GIGYF2: variants seen among roughly 807,000 people sequenced by gnomAD.
GIGYF2 encodes the protein GRB10-interacting GYF protein 2.
Under a neutral mutation model 208.1 loss-of-function variants are expected in GIGYF2, and 25 were observed. The observed-to-expected ratio is 0.12, with a 90% CI of 0.09 to 0.17. The LOEUF is 0.17. GIGYF2 is among the 10% of genes least tolerant of loss of function. The probability of loss-of-function intolerance (pLI) is 1.00; values close to 1 mark genes in which losing one functional copy is unlikely to be tolerated. For synonymous variants in GIGYF2, 534 were observed against 543.8 expected, an observed-to-expected ratio of 0.98 and a Z score of 0.25; for missense variants, 1,302 against 1,579.4, an observed-to-expected ratio of 0.82 and a Z score of 2.98.
At chr2:232,832,083 A>G (rs1039006168) in intron 21 of GIGYF2, among the ~76,000 whole-genome samples, 1 of 152,218 alleles carries the variant, frequency 6.6e-6, no homozygotes, top group Non-Finnish European at 1.5e-5. Flanking sequence ...AGGACAGGGT[A>G]TAGTTGACCT....
intron 17 of GIGYF2, among the ~76,000 whole-genome samples, chr2:232,812,176 G>GTAT (rs1187520871): frequency 6.6e-6 from 1 of 152,120 alleles, no homozygotes; most frequent in East Asian, 1.9e-4. Flanking sequence ...AAGTCAATAT[G>GTAT]TATTACCATA....
chr2:232,808,114 G>T (rs1257910015), intron 15 of GIGYF2, among the ~76,000 whole-genome samples: 1 of 152,172 alleles, frequency 6.6e-6, no homozygotes, highest in African/African-American at 2.4e-5. Flanking sequence ...AATGTGTTGA[G>T]ACCTATAGTT....
At chr2:232,822,154 A>G (rs911432358) in intron 21 of GIGYF2, among the ~76,000 whole-genome samples, 5 of 152,130 alleles carry the variant, frequency 3.3e-5, no homozygotes, top group South Asian at 2.1e-4. Context: ...TAATTTCTAT[A>G]TAAGTAAAAG....
chr2:232,789,337 T>C (rs973801264), intron 9 of GIGYF2, among the ~76,000 whole-genome samples: 4 of 152,160 alleles, frequency 2.6e-5, no homozygotes, highest in Non-Finnish European at 4.4e-5. Flanking sequence ...AGGAGAAACA[T>C]GAGCCAGGTA....
chr2:232,720,833 G>T (rs1198555808), intron 2 of GIGYF2, among the ~76,000 whole-genome samples: 1 of 151,952 alleles, frequency 6.6e-6, no homozygotes, highest in African/African-American at 2.4e-5. Flanking sequence ...GGCCTCAATC[G>T]ATCTGCCCAC....
At chr2:232,784,931 T>C (rs1699863671) in intron 8 of GIGYF2, among the ~76,000 whole-genome samples, 1 of 151,998 alleles carries the variant, frequency 6.6e-6, no homozygotes, top group Non-Finnish European at 1.5e-5. Flanking sequence ...ATCTCTGTCA[T>C]CTTTCTTGCT....
chr2:232,735,430 A>AT, intron 3 of GIGYF2, 192 bp downstream of exon 3: 3 of 489,606 alleles, frequency 6.1e-6, no homozygotes, highest in Admixed American at 3.8e-5. Flanking sequence ...CTTAATTAAA[A>AT]TTTTTTTTCT....
chr2:232,697,937 C>T (rs1695676626), intron 1 of GIGYF2, among the ~76,000 whole-genome samples: 1 of 152,202 alleles, frequency 6.6e-6, no homozygotes, highest in Non-Finnish European at 1.5e-5. Flanking sequence ...GAGACTCCTT[C>T]CGTGGCGAGA....
chr2:232,757,146 TA>T (rs1698581147), intron 6 of GIGYF2, among the ~76,000 whole-genome samples: 4 of 152,200 alleles, frequency 2.6e-5, no homozygotes, highest in African/African-American at 9.7e-5. Context: ...ATAGAGTATT[TA>T]AATTCTTTAT....
chr2:232,725,592 TC>T (rs1697160878), intron 2 of GIGYF2, among the ~76,000 whole-genome samples: 1 of 152,220 alleles, frequency 6.6e-6, no homozygotes, highest in Admixed American at 6.5e-5. Flanking sequence ...CATAGTTAGC[TC>T]TCAATAAATG....
At chr2:232,787,119 A>T (rs984232022) in intron 8 of GIGYF2, 31 bp from the exon 9 acceptor site, 2 of 1,538,340 alleles carry the variant, frequency 1.3e-6, no homozygotes, top group Non-Finnish European at 1.8e-6. Flanking sequence ...GCAGAGGCTC[A>T]TGTTTACTTA....
At chr2:232,818,215 T>A (rs571866014) in intron 20 of GIGYF2, among the ~76,000 whole-genome samples, 1 of 152,342 alleles carries the variant, frequency 6.6e-6, no homozygotes, top group Non-Finnish European at 1.5e-5. Context: ...CTAAGACTTC[T>A]GCCTTCTCTT....
chr2:232,832,941 G>A lies in GIGYF2; in HGVS notation c.2614G>A (p.Ala872Thr). The A allele has an allele frequency of 6.4e-7, 1 of 1,569,142 alleles. No homozygotes were observed. Among genetic ancestry groups the A allele is most frequent in the Non-Finnish European group, 8.6e-7 (1 of 1,156,964 alleles). The change falls in exon 22 of 29, where the codon GCA becomes ACA. Residue 872 changes from alanine to threonine, a missense_variant. By Grantham distance (58) the Ala-to-Thr change is moderately conservative. Transcript: ENST00000373563. ...EENRLRMEEE[A>T]ARLRHEEEER... ...GAACCGGCTGCGGATGGAAGAGGAG[G>A]CAGCCAGACTCCGGCATGAGGAAGA... is the stretch of plus-strand genomic sequence containing the variant.
chr2:232,839,051 T>G (rs1701736649), intron 22 of GIGYF2, among the ~76,000 whole-genome samples: 1 of 152,222 alleles, frequency 6.6e-6, no homozygotes, highest in African/African-American at 2.4e-5. Context: ...TTTTATTTGT[T>G]TTGATCTATG....
chr2:232,735,666 G>C (rs572959449), intron 3 of GIGYF2: 1 of 991,260 alleles, frequency 1.0e-6, no homozygotes, highest in Admixed American at 5.3e-5. Context: ...GGCTAGGCAG[G>C]TAGTTCAGTA....
At chr2:232,700,844 G>C (rs533345854) in intron 1 of GIGYF2, among the ~76,000 whole-genome samples, 1 of 152,058 alleles carries the variant, frequency 6.6e-6, no homozygotes, top group Non-Finnish European at 1.5e-5. Context: ...AAATGAAAAA[G>C]AAATAGAAGT....
At chr2:232,820,473 C>G (rs1329349185) in intron 21 of GIGYF2, among the ~76,000 whole-genome samples, 1 of 151,820 alleles carries the variant, frequency 6.6e-6, no homozygotes, top group Non-Finnish European at 1.5e-5. Flanking sequence ...TACCACCATG[C>G]CTGGCTAATT....
At chr2:232,819,745 T>A (rs1449917179) in intron 20 of GIGYF2, 82 bp from the exon 21 acceptor site, 3 of 809,934 alleles carry the variant, frequency 3.7e-6, no homozygotes, top group Non-Finnish European at 6.5e-6. Flanking sequence ...GATAGCCTAT[T>A]ACTTTCCAAA....
chr2:232,805,263 C>T (rs547345953), intron 14 of GIGYF2, among the ~76,000 whole-genome samples: 7 of 152,240 alleles, frequency 4.6e-5, no homozygotes, highest in South Asian at 2.1e-4. Context: ...ATTCTGTAAT[C>T]TTGCAGATTT....
Sources: gnomAD v4.1 joint callset for allele counts (sites outside exome capture counted in the v4.1 genomes callset) on GRCh38, gnomAD v4.1.1 for gene constraint, MANE v1.5 for transcripts, NCBI Gene and HGNC (gene_info 2026-07-23, HGNC 2026-07-21) for gene names.